IRAG2: variants seen among roughly 807,000 people sequenced by gnomAD.
IRAG2 encodes the protein inositol 1,4,5-triphosphate receptor associated 2, also known as lymphoid restricted membrane protein.
Under a neutral mutation model 69.9 loss-of-function variants are expected in IRAG2, and 45 were observed. That is an observed-to-expected ratio of 0.64 (90% CI 0.51 to 0.83). The LOEUF (loss-of-function observed/expected upper bound fraction) is 0.83. Among genes scored for constraint, IRAG2 ranks in the 40% least tolerant of loss-of-function variants. IRAG2 has a pLI of 0.00. For synonymous variants in IRAG2, 193 were observed against 202.4 expected (o/e 0.95, Z 0.40); for missense variants, 520 against 587.0 (o/e 0.89, Z 1.18).
intron 9 of IRAG2, among the ~76,000 whole-genome samples, chr12:25,029,049 AC>A (rs1368498633): frequency 6.6e-6 from 1 of 152,050 alleles, no homozygotes; most frequent in African/African-American, 2.4e-5. Context: ...CCCATCTCAA[AC>A]TCCAAGTAGC....
upstream of IRAG2, among the ~76,000 whole-genome samples, chr12:25,047,937 T>C (rs1944810938): frequency 6.6e-6 from 1 of 152,236 alleles, no homozygotes; most frequent in Non-Finnish European, 1.5e-5. Flanking sequence ...TGCATGTATC[T>C]TTATAATAGA....
At chr12:25,026,915 G>C (rs1311227673) in intron 9 of IRAG2, 2 of 974,144 alleles carry the variant, frequency 2.1e-6, no homozygotes, top group Non-Finnish European at 2.7e-6. Flanking sequence ...TGTCAAACCA[G>C]TATTATTTTA....
At chr12:25,100,105 C>A (rs143887400) in intron 15 of IRAG2, among the ~76,000 whole-genome samples, 1 of 148,748 alleles carries the variant, frequency 6.7e-6, no homozygotes. Flanking sequence ...TATTTAACAT[C>A]CTTAAATGTA....
intron 16 of IRAG2, among the ~76,000 whole-genome samples, chr12:25,039,195 T>G (rs73299353): frequency 0.016 from 2,374 of 152,270 alleles, 23 homozygotes; most frequent in Middle Eastern, 0.065. Flanking sequence ...AATTTTAAAA[T>G]GTAATTAGAG....
chr12:25,100,877 C>T (rs1948715601), intron 15 of IRAG2: 1 of 209,276 alleles, frequency 4.8e-6, no homozygotes, highest in African/African-American at 2.3e-5. Context: ...TTCACATACC[C>T]ACCATCAACC....
intron 15 of IRAG2, chr12:25,036,757 A>C (rs1352198805): frequency 5.0e-6 from 2 of 397,712 alleles, no homozygotes; most frequent in Non-Finnish European, 8.9e-6. Flanking sequence ...TAGTATATAC[A>C]GTACCATTTC....
the IRAG2 span, among the ~76,000 whole-genome samples, chr12:24,998,811 T>C: frequency 6.6e-6 from 1 of 152,320 alleles, no homozygotes; most frequent in Non-Finnish European, 1.5e-5. Context: ...AAAATCAGCC[T>C]GCCTGATCTA....
Position 25,066,502 on chromosome 12 carries a change from A to G in IRAG2, c.-69A>G. 1.2e-5 allele frequency: 5 copies of G among 401,352 alleles called. No homozygotes were observed. Among genetic ancestry groups the G allele is most frequent in the Non-Finnish European group, 2.2e-5 (5 of 226,234 alleles). 24.9% of individuals were successfully genotyped at this position (401,352 alleles called of 1,614,324 possible). ...AAAGGATGGTGCTTTGGATGTAAAA[A>G]GACAACACAAGTAGGTTAAGAGCAA... On this transcript the variant is annotated 5_prime_UTR_variant, in exon 5 of 22. Coordinates refer to ENST00000556887, the MANE Select transcript of IRAG2 (RefSeq NM_001366544.2).
chr12:25,012,782 C>T (rs892626274), intron 3 of IRAG2, among the ~76,000 whole-genome samples: 2 of 152,056 alleles, frequency 1.3e-5, no homozygotes, highest in Admixed American at 6.5e-5. Flanking sequence ...GAGCCGAGAT[C>T]GTGCCATAGC....
chr12:25,091,539 A>G (rs1345078661), intron 14 of IRAG2, among the ~76,000 whole-genome samples: 1 of 152,230 alleles, frequency 6.6e-6, no homozygotes. Context: ...TATTGTGAAT[A>G]GTGCTGTTAG....
chr12:25,053,387 AG>A (rs1209836693), intron 1 of IRAG2, among the ~76,000 whole-genome samples: 1 of 151,888 alleles, frequency 6.6e-6, no homozygotes, highest in Non-Finnish European at 1.5e-5. Context: ...TGGAAATTTT[AG>A]GGGGTTGGGC....
intron 10 of IRAG2, among the ~76,000 whole-genome samples, chr12:25,087,796 A>G (rs1388211011): frequency 6.6e-6 from 1 of 152,120 alleles, no homozygotes; most frequent in Non-Finnish European, 1.5e-5. Flanking sequence ...CAGTGGTGGC[A>G]TTAGATTCCC....
At position 25,021,867 on chromosome 12, in the gene IRAG2, T is replaced by C. The variant is rs536945551; in HGVS notation, c.1332+960T>C. Among the ~76,000 whole-genome samples, 3 of 152,286 alleles carry C rather than the reference T, an allele frequency of 2.0e-5. No individual in the cohort carries two copies. The East Asian group carries it at 5.8e-4, about 29-fold the overall frequency. The stretch of plus-strand genomic sequence containing the variant: ...TAGCTCTTGCCTCAGTAGTAAAATA[T>C]GGGGACTAGATCATTGAATGCCAGG... On this transcript the variant is annotated intron_variant, in intron 7 of 38. Coordinates refer to the IRAG2 transcript ENST00000636465.
In IRAG2 at chr12:25,090,051, C is replaced by A; in HGVS notation, c.466-6C>A. 6.2e-7 allele frequency: 1 copy of A among 1,612,628 alleles called. No individual in the cohort carries two copies. Among genetic ancestry groups the A allele is most frequent in the African/African-American group, 1.3e-5 (1 of 74,938 alleles). On this transcript the variant is annotated splice_region_variant and splice_polypyrimidine_tract_variant and intron_variant, in intron 13 of 21. Transcript: ENST00000556887. ...CTTCCTCACCCTCACATTATTTTGA[C>A]AACAGGCAGAATTTCTCAGATTATC...
At chr12:25,033,200 C>T (rs1184146732) in intron 12 of IRAG2, among the ~76,000 whole-genome samples, 1 of 152,154 alleles carries the variant, frequency 6.6e-6, no homozygotes, top group South Asian at 2.1e-4. Context: ...CATGATCTGC[C>T]TGCCTCGGCC....
chr12:25,099,532 G>C (rs888163449), intron 15 of IRAG2, among the ~76,000 whole-genome samples: 1 of 152,092 alleles, frequency 6.6e-6, no homozygotes, highest in African/African-American at 2.4e-5. Flanking sequence ...TAATGCAATA[G>C]GTTCCTATAT....
intron 3 of IRAG2, among the ~76,000 whole-genome samples, chr12:25,014,908 T>TG (rs1345126340): frequency 3.3e-5 from 5 of 151,514 alleles, no homozygotes; most frequent in African/African-American, 1.2e-4. Context: ...AGTGTATGGA[T>TG]GGTGGAGGTA....
intron 16 of IRAG2, among the ~76,000 whole-genome samples, chr12:25,038,834 A>C (rs1944724519): frequency 6.6e-6 from 1 of 152,196 alleles, no homozygotes; most frequent in Non-Finnish European, 1.5e-5. Flanking sequence ...TACTAATGGA[A>C]GCTCTAGAAC....
At chr12:25,002,084 C>T (rs376342044), upstream of IRAG2, among the ~76,000 whole-genome samples, 1 of 152,118 alleles carries the variant, frequency 6.6e-6, no homozygotes, top group South Asian at 2.1e-4. Flanking sequence ...TTATAAGGCT[C>T]TTTGCTCGAC....
Sources: gnomAD v4.1 joint callset for allele counts (sites outside exome capture counted in the v4.1 genomes callset) on GRCh38, gnomAD v4.1.1 for gene constraint, MANE v1.5 for transcripts, NCBI Gene and HGNC (gene_info 2026-07-23, HGNC 2026-07-21) for gene names.